Variants in SNTG1 observed in about 807,000 individuals in gnomAD.
SNTG1 encodes syntrophin gamma 1, also known as gamma-1-syntrophin.
A neutral mutation model predicts 74.7 loss-of-function variants in SNTG1; 39 were observed. That is an observed-to-expected ratio of 0.52 (90% CI 0.40 to 0.68). The LOEUF (loss-of-function observed/expected upper bound fraction) is 0.68, where lower values mean the gene tolerates loss of function less well. Among genes scored for constraint, SNTG1 ranks in the 30% least tolerant of loss-of-function variants. The pLI, the probability that SNTG1 is intolerant of heterozygous loss-of-function variation, is 0.00. For missense variants in SNTG1, 685 were observed against 609.5 expected (o/e 1.12, Z -1.30); for synonymous variants, 254 against 217.1 (o/e 1.17, Z -1.49).
chr8:50,566,041 CAATT>C lies in SNTG1; in HGVS notation c.810+12863_810+12866del, dbSNP rs562413493. ...ATATAAGTGAATTTTTCATAAGACT[CAATT>C]TATTTTTTAAGGATAGGTCTTTAAT... On this transcript the variant is annotated intron_variant, in intron 12 of 18. Coordinates refer to ENST00000642720, the MANE Select transcript of SNTG1 (RefSeq NM_018967.5). Among the ~76,000 whole-genome samples, 816 of 151,864 alleles carry C rather than the reference CAATT, an allele frequency of 5.4e-3. 7 individuals are homozygous for C. The highest frequency in any genetic ancestry group is 0.018 in the African/African-American group (757 of 41,476).
At chr8:49,926,030 G>A (rs747775062) in intron 1 of SNTG1, among the ~76,000 whole-genome samples, 15 of 152,068 alleles carry the variant, frequency 9.9e-5, no homozygotes, top group South Asian at 2.1e-4. Context: ...GACTTGAATC[G>A]GTCATCCTAA....
intron 12 of SNTG1, among the ~76,000 whole-genome samples, chr8:50,556,134 T>G (rs938173082): frequency 2.0e-5 from 3 of 152,222 alleles, no homozygotes; most frequent in Non-Finnish European, 2.9e-5. Flanking sequence ...AAATTGTATT[T>G]TATCATTATT....
intron 12 of SNTG1, among the ~76,000 whole-genome samples, chr8:50,569,438 T>C (rs1268799081): frequency 1.3e-5 from 2 of 151,500 alleles, no homozygotes; most frequent in Non-Finnish European, 1.5e-5. Flanking sequence ...ATTTAATCCA[T>C]AGAGATCTGC....
chr8:50,138,941 A>G (rs2081570687), intron 1 of SNTG1, among the ~76,000 whole-genome samples: 1 of 152,172 alleles, frequency 6.6e-6, no homozygotes, highest in African/African-American at 2.4e-5. Context: ...TTATTTGACA[A>G]TAAAATTACT....
rs900423502 is a variant in SNTG1, at chr8:50,604,863, A to T, written c.849+13946A>T. Among the ~76,000 whole-genome samples, 3 of 152,170 alleles carry T rather than the reference A, an allele frequency of 2.0e-5. No homozygotes were observed. In the South Asian group the frequency reaches 6.2e-4, roughly 31 times the overall value. ...CTGGAAATGTACTAGGTCTCACCTG[A>T]AGCCAGCATGTCTTAGGGTGTCACC... On this transcript the variant is annotated intron_variant, in intron 13 of 18. Coordinates refer to ENST00000642720, the MANE Select transcript of SNTG1 (RefSeq NM_018967.5).
rs376861311 is a variant in SNTG1 at position 50,648,872 on chromosome 8, G to C, written c.850-8037G>C. On this transcript the variant is annotated intron_variant, in intron 13 of 18. Coordinates refer to ENST00000642720, the MANE Select transcript of SNTG1 (RefSeq NM_018967.5). Reference sequence around the variant, plus strand: ...TCTCACTTAACTGTTATCCTGAAAGGCTTGATAATAATGGTCTTGCTTTGC... The same window carrying C: ...TCTCACTTAACTGTTATCCTGAAAGCCTTGATAATAATGGTCTTGCTTTGC... Among the ~76,000 whole-genome samples the C allele has an allele frequency of 5.9e-5, 9 of 152,056 alleles. No homozygotes were observed. The East Asian group carries it at 1.5e-3, about 26-fold the overall frequency.
intron 1 of SNTG1, among the ~76,000 whole-genome samples, chr8:50,141,216 C>A (rs1043638546): frequency 3.3e-5 from 5 of 152,082 alleles, no homozygotes; most frequent in African/African-American, 9.7e-5. Context: ...AATAGGATTG[C>A]CAGATCAGAT....
intron 13 of SNTG1, among the ~76,000 whole-genome samples, chr8:50,621,224 A>G (rs2094921375): frequency 6.6e-6 from 1 of 152,140 alleles, no homozygotes; most frequent in South Asian, 2.1e-4. Flanking sequence ...CTAAAACTGA[A>G]CACAGGCTGT....
chr8:50,738,547 A>G (rs979651152), intron 17 of SNTG1, among the ~76,000 whole-genome samples: 1 of 152,070 alleles, frequency 6.6e-6, no homozygotes, highest in East Asian at 1.9e-4. Flanking sequence ...TCACAGAATT[A>G]GAAAAAACTA....
intron 2 of SNTG1, among the ~76,000 whole-genome samples, chr8:50,268,451 G>A (rs1188195692): frequency 1.3e-5 from 2 of 151,972 alleles, no homozygotes; most frequent in Admixed American, 1.3e-4. Context: ...ATATGGAAAT[G>A]CTCTGGTCCT....
intron 2 of SNTG1, among the ~76,000 whole-genome samples, chr8:50,206,304 C>T (rs1367547115): frequency 6.6e-6 from 1 of 152,076 alleles, no homozygotes; most frequent in Non-Finnish European, 1.5e-5. Flanking sequence ...AGTTGGATTC[C>T]TAGGTATTTT....
At chr8:50,423,008 G>A (rs2093114804) in intron 4 of SNTG1, among the ~76,000 whole-genome samples, 2 of 152,140 alleles carry the variant, frequency 1.3e-5, no homozygotes, top group African/African-American at 2.4e-5. Context: ...GTGGGTTTGG[G>A]GGGGTTAGCT....
chr8:50,278,592 C>A (rs1442098255), intron 2 of SNTG1, among the ~76,000 whole-genome samples: 1 of 151,988 alleles, frequency 6.6e-6, no homozygotes, highest in Non-Finnish European at 1.5e-5. Context: ...AATTTAGTGA[C>A]CCCTTTTAGT....
At chr8:50,083,827 T>G (rs1003568407) in intron 1 of SNTG1, among the ~76,000 whole-genome samples, 1 of 152,196 alleles carries the variant, frequency 6.6e-6, no homozygotes, top group African/African-American at 2.4e-5. Flanking sequence ...CATTTCATCA[T>G]GCCTTCTGAC....
At chr8:50,789,939 C>T (rs370555327) in intron 18 of SNTG1, among the ~76,000 whole-genome samples, 1 of 151,946 alleles carries the variant, frequency 6.6e-6, no homozygotes, top group African/African-American at 2.4e-5. Context: ...CACAAAATAA[C>T]CCTTGCTTTT....
intron 8 of SNTG1, among the ~76,000 whole-genome samples, chr8:50,484,122 T>TTC (rs1284414554): frequency 8.7e-6 from 1 of 114,638 alleles, no homozygotes; most frequent in African/African-American, 3.2e-5. Context: ...CTTTCTTTCT[T>TTC]TCTTTCTTTC....
At chr8:50,301,562 A>G (rs1471681243) in intron 2 of SNTG1, among the ~76,000 whole-genome samples, 1 of 152,148 alleles carries the variant, frequency 6.6e-6, no homozygotes, top group Non-Finnish European at 1.5e-5. Flanking sequence ...AGTAAGTTCA[A>G]CAGCTGTAAA....
chr8:50,223,805 T>C (rs1350830258), intron 2 of SNTG1, among the ~76,000 whole-genome samples: 1 of 152,104 alleles, frequency 6.6e-6, no homozygotes, highest in Non-Finnish European at 1.5e-5. Context: ...TTCAGGAACA[T>C]GACAAAAATG....
At chr8:50,457,017 A>C (rs2093512849) in intron 8 of SNTG1, 1 of 152,168 alleles carries the variant, frequency 6.6e-6, no homozygotes, top group Non-Finnish European at 1.5e-5. Flanking sequence ...TTTCACAATA[A>C]CCAGCTGATC....
Sources: gnomAD v4.1 joint callset for allele counts (sites outside exome capture counted in the v4.1 genomes callset) on GRCh38, gnomAD v4.1.1 for gene constraint, MANE v1.5 for transcripts, NCBI Gene and HGNC (gene_info 2026-07-23, HGNC 2026-07-21) for gene names.